Variants in NCOA1 observed in about 807,000 individuals in gnomAD.
The protein encoded by NCOA1 is nuclear receptor coactivator 1, also known as Hin-2 protein.
In NCOA1, 35 loss-of-function variants were observed where a neutral mutation model predicts 150.9. The observed-to-expected ratio is 0.23, with a 90% CI of 0.18 to 0.31. The LOEUF is 0.31. NCOA1 is among the 10% of genes least tolerant of loss of function. The pLI, the probability that NCOA1 is intolerant of heterozygous loss-of-function variation, is 1.00. For synonymous variants in NCOA1, 590 were observed against 630.0 expected (o/e 0.94, Z 0.95); for missense variants, 1,491 against 1,749.3 (o/e 0.85, Z 2.63).
intron 2 of NCOA1, among the ~76,000 whole-genome samples, chr2:24,575,260 A>C (rs1393625173): frequency 1.3e-5 from 2 of 152,112 alleles, no homozygotes; most frequent in Non-Finnish European, 2.9e-5. Context: ...CTGCTGTCCT[A>C]TGCAGTGTAT....
chr2:24,669,206 A>G (rs1445749008), intron 6 of NCOA1, among the ~76,000 whole-genome samples: 1 of 152,232 alleles, frequency 6.6e-6, no homozygotes, highest in East Asian at 1.9e-4. Flanking sequence ...AGGCTAGGTT[A>G]GTATAACAAC....
chr2:24,502,520 A>T (rs1290173991), intron 1 of NCOA1, among the ~76,000 whole-genome samples: 1 of 152,148 alleles, frequency 6.6e-6, no homozygotes, highest in Non-Finnish European at 1.5e-5. Flanking sequence ...CTTTAATGGT[A>T]CTGTTTTGCT....
At chr2:24,760,995 G>T (rs55977174) in intron 21 of NCOA1, among the ~76,000 whole-genome samples, 1 of 151,978 alleles carries the variant, frequency 6.6e-6, no homozygotes, top group Non-Finnish European at 1.5e-5. Flanking sequence ...GTACAGGGGT[G>T]CGCCACCACA....
intron 3 of NCOA1, among the ~76,000 whole-genome samples, chr2:24,598,984 C>T (rs187064465): frequency 1.3e-5 from 2 of 152,086 alleles, no homozygotes; most frequent in African/African-American, 2.4e-5. Context: ...AGATGAGGAC[C>T]TGGACAAAGA....
At chr2:24,587,009 CAGA>C (rs1030940849) in intron 3 of NCOA1, among the ~76,000 whole-genome samples, 6 of 151,522 alleles carry the variant, frequency 4.0e-5, no homozygotes, top group African/African-American at 1.5e-4. Flanking sequence ...TTTCTCAGGA[CAGA>C]AGGACAGGTT....
In NCOA1 at chr2:24,665,579, T is replaced by C. The variant is rs545010985; in HGVS notation, c.90-170T>C. ...GCCAGAATTGTTTTCTAAATTTTGG[T>C]ATTTTGTAATGTCCACTTTTTAGAT... On this transcript the variant is annotated intron_variant, in intron 5 of 22. Transcript: ENST00000348332. Among the ~76,000 whole-genome samples the C allele has an allele frequency of 1.1e-4, 16 of 152,350 alleles. No individual in the cohort carries two copies. The East Asian group carries it at 3.1e-3, about 29-fold the overall frequency.
chr2:24,550,506 A>G lies in NCOA1; in HGVS notation c.-395-13789A>G, dbSNP rs1252954474. 7.5e-4 allele frequency among the ~76,000 whole-genome samples: 114 copies of G among 152,316 alleles called. 2 individuals are homozygous for G. Among genetic ancestry groups the G allele is most frequent in the Non-Finnish European group, 2.2e-4 (15 of 68,030 alleles). On this transcript the variant is annotated intron_variant, in intron 1 of 22. Transcript: ENST00000348332. ...AAACTCCCCCTTATGAAACCATCAG[A>G]TCTCGAGAGATTTATTCACTACCAT...
At chr2:24,586,230 C>T (rs1326787955) in intron 3 of NCOA1, among the ~76,000 whole-genome samples, 2 of 132,190 alleles carry the variant, frequency 1.5e-5, no homozygotes, top group South Asian at 2.4e-4. Context: ...GAGCCGATAT[C>T]GTGCCACTGC....
At chr2:24,663,500 T>C (rs974614107) in intron 5 of NCOA1, among the ~76,000 whole-genome samples, 1 of 152,136 alleles carries the variant, frequency 6.6e-6, no homozygotes, top group African/African-American at 2.4e-5. Flanking sequence ...ATTTGTTGAG[T>C]TAGCTAGTTT....
chr2:24,619,113 G>A (rs1049156375), intron 3 of NCOA1, among the ~76,000 whole-genome samples: 5 of 152,154 alleles, frequency 3.3e-5, no homozygotes, highest in Admixed American at 1.3e-4. Flanking sequence ...TTAACAGGAC[G>A]TTTCATAGTT....
intron 14 of NCOA1, among the ~76,000 whole-genome samples, chr2:24,724,882 CAG>C (rs1674529058): frequency 6.6e-6 from 1 of 151,980 alleles, no homozygotes. Flanking sequence ...TAAATAATGA[CAG>C]AAAGTAAGTG....
chr2:24,582,841 C>T (rs1257981910), intron 2 of NCOA1, among the ~76,000 whole-genome samples: 1 of 152,126 alleles, frequency 6.6e-6, no homozygotes, highest in East Asian at 1.9e-4. Flanking sequence ...GCACCAAGAA[C>T]ATACATTCGG....
chr2:24,707,320 A>G lies in NCOA1; in HGVS notation c.1850A>G (p.Asp617Gly). The G allele has an allele frequency of 6.2e-7, 1 of 1,614,218 alleles. No homozygotes were observed. Among genetic ancestry groups the G allele is most frequent in the Non-Finnish European group, 8.5e-7 (1 of 1,180,038 alleles). The change falls in exon 13 of 23, where the codon GAC (aspartate) becomes GGC (glycine). Residue 617 changes from aspartate (D) to glycine (G), a missense_variant. By Grantham distance (94) the Asp-to-Gly change is moderately conservative. Around this residue, in one of 8 missense-constraint regions of NCOA1, gnomAD observed 703 missense variants for 717.7 expected, o/e 0.98. Transcript: ENST00000348332. ...PLDSGLLHNN[D>G]RLSDGDSKYS... ...GATTCAGGGCTTCTGCATAACAATG[A>G]CAGACTTTCAGATGGAGACAGTAAA... is the stretch of plus-strand genomic sequence containing the variant.
At chr2:24,569,094 T>TTTTTTTTTTTTTTTTTTTTTTTTTGAGA (rs1666629875) in intron 2 of NCOA1, among the ~76,000 whole-genome samples, 1 of 152,194 alleles carries the variant, frequency 6.6e-6, no homozygotes, top group African/African-American at 2.4e-5. Context: ...CCCACTTTTT[T>TTTTTTTTTTTTTTTTTTTTTTTTTGAGA]CAGAGAGGAG....
intron 4 of NCOA1, among the ~76,000 whole-genome samples, chr2:24,649,930 T>G (rs1250795105): frequency 6.6e-6 from 1 of 152,178 alleles, no homozygotes; most frequent in Non-Finnish European, 1.5e-5. Context: ...AATGTCTTTA[T>G]TATTAGCATA....
rs1384632510 is a variant in NCOA1, at chr2:24,538,443, G to T, written c.-395-25852G>T. The stretch of plus-strand genomic sequence containing the variant: ...GAAATTGAATGAACTTTTGTAACGG[G>T]AATCAGAAGATCTGGATGCAAATCC... On this transcript the variant is annotated intron_variant, in intron 1 of 22. Transcript: ENST00000348332. 2.6e-5 allele frequency among the ~76,000 whole-genome samples: 4 copies of T among 152,312 alleles called. No homozygotes were observed. In the East Asian group the frequency reaches 7.7e-4, roughly 29 times the overall value.
intron 3 of NCOA1, among the ~76,000 whole-genome samples, chr2:24,608,861 A>C (rs2148378197): frequency 6.6e-6 from 1 of 151,994 alleles, no homozygotes; most frequent in East Asian, 1.9e-4. Context: ...AGTCTTGAGG[A>C]GTACTGGCCA....
At chr2:24,608,286 T>G (rs927913000) in intron 3 of NCOA1, among the ~76,000 whole-genome samples, 4 of 144,914 alleles carry the variant, frequency 2.8e-5, no homozygotes, top group African/African-American at 1.0e-4. Flanking sequence ...TTATTATTAT[T>G]ATTATTATTA....
In NCOA1 at chr2:24,691,581, C is replaced by T. The variant is rs369302396; in HGVS notation, c.633C>T (p.Asn211=). The T allele has an allele frequency of 6.2e-7, 1 of 1,614,116 alleles. No homozygotes were observed. The highest frequency in any genetic ancestry group is 1.3e-5 in the African/African-American group (1 of 75,038). ...IHPPDEPGTE[N]QEACQRYEVM... is the part of the protein sequence containing the mutation. Reference sequence around the variant, plus strand: ...CTCCAGATGAGCCAGGGACCGAGAACCAAGAAGCTTGCCAGCGTTATGAAG... The same window carrying T: ...CTCCAGATGAGCCAGGGACCGAGAATCAAGAAGCTTGCCAGCGTTATGAAG... The change falls in exon 9 of 23, where the codon AAC becomes AAT. Residue 211 remains asparagine (N), a synonymous_variant. Coordinates refer to ENST00000348332, the MANE Select transcript of NCOA1 (RefSeq NM_003743.5).
Sources: allele counts gnomAD v4.1 joint callset (sites outside exome capture counted in the v4.1 genomes callset), GRCh38; gene constraint gnomAD v4.1.1; regional missense constraint gnomAD v4.1.1; transcripts MANE v1.5; gene names NCBI Gene and HGNC (gene_info 2026-07-23, HGNC 2026-07-21).